The following CDH23 variants were observed in gnomAD, a reference collection of about 807,000 sequenced individuals.
CDH23 encodes cadherin-23.
Under a neutral mutation model 317.1 loss-of-function variants are expected in CDH23, and 189 were observed. The ratio of observed to expected loss-of-function variants is 0.60; its 90% CI spans 0.53 to 0.67. CDH23 has a LOEUF of 0.67. Ranked by LOEUF, CDH23 falls within the 30% of genes least tolerant of loss-of-function variation. CDH23 has a pLI of 0.00. For missense variants in CDH23, 4,401 were observed against 4,592.4 expected (o/e 0.96, Z 1.20); for synonymous variants, 1,839 against 1,876.8 (o/e 0.98, Z 0.52).
At chr10:71,549,232 C>A (rs1056300310) in intron 6 of CDH23, among the ~76,000 whole-genome samples, 4 of 152,244 alleles carry the variant, frequency 2.6e-5, no homozygotes, top group African/African-American at 9.6e-5. Flanking sequence ...AGAGTTTGTC[C>A]CATTAGTGGA....
chr10:71,586,664 C>G (rs576745346), intron 9 of CDH23, among the ~76,000 whole-genome samples: 37 of 152,192 alleles, frequency 2.4e-4, no homozygotes, highest in Non-Finnish European at 5.1e-4. Context: ...CTACCCCATT[C>G]CCTGCCTCCC....
At chr10:71,431,423 C>T (rs777048753) in intron 1 of CDH23, among the ~76,000 whole-genome samples, 7 of 152,288 alleles carry the variant, frequency 4.6e-5, no homozygotes, top group East Asian at 1.9e-4. Flanking sequence ...GCAGCCTCCC[C>T]GGCAGTGGCC....
intron 3 of CDH23, among the ~76,000 whole-genome samples, chr10:71,458,305 C>A (rs1850798352): frequency 6.6e-6 from 1 of 152,230 alleles, no homozygotes. Context: ...CCTTGAAGGT[C>A]CCCTCACCCA....
chr10:71,738,086 C>T (rs7091894), intron 34 of CDH23, among the ~76,000 whole-genome samples: 6,406 of 152,254 alleles, frequency 0.042, 448 homozygotes, highest in African/African-American at 0.14. Context: ...TTTTATTACT[C>T]ATCAGCCAAT....
At chr10:71,548,014 C>T (rs549241404) in intron 6 of CDH23, among the ~76,000 whole-genome samples, 8 of 152,334 alleles carry the variant, frequency 5.3e-5, no homozygotes, top group Admixed American at 5.2e-4. Context: ...GCTCCTCCAG[C>T]CTGCCTGGAG....
chr10:71,796,215 G>T lies in CDH23; in HGVS notation c.6713-889G>T, dbSNP rs548298840. 6 of 517,496 alleles carry T rather than the reference G, an allele frequency of 1.2e-5. No homozygotes were observed. The South Asian group carries it at 5.0e-4, about 43-fold the overall frequency. The allele number at this position is 517,496 out of a possible 1,614,324, so 32.1% of individuals were successfully genotyped here. On this transcript the variant is annotated intron_variant, in intron 48 of 69. Coordinates refer to ENST00000224721, the MANE Select transcript of CDH23 (RefSeq NM_022124.6). The stretch of plus-strand genomic sequence containing the variant: ...GTCTCACTCTGGGATGAAGCCAATG[G>T]GAGGAGAAGCCACCAGGCCCTCTAA...
At chr10:71,755,652 C>T (rs1840123033) in intron 38 of CDH23, among the ~76,000 whole-genome samples, 1 of 152,138 alleles carries the variant, frequency 6.6e-6, no homozygotes, top group Non-Finnish European at 1.5e-5. Context: ...AAAGAGAGCC[C>T]TGTGCCTGCC....
At chr10:71,479,571 G>A (rs1297669535) in intron 3 of CDH23, among the ~76,000 whole-genome samples, 1 of 152,168 alleles carries the variant, frequency 6.6e-6, no homozygotes, top group African/African-American at 2.4e-5. Flanking sequence ...CCCACCATTA[G>A]GGAGCCATTC....
In CDH23 at chr10:71,702,538, G is replaced by C. The variant is rs1247168918; in HGVS notation, c.2588-11G>C. 1.2e-6 allele frequency: 2 copies of C among 1,613,842 alleles called. No individual in the cohort carries two copies. The highest frequency in any genetic ancestry group is 1.7e-6 in the Non-Finnish European group (2 of 1,179,840). On this transcript the variant is annotated splice_polypyrimidine_tract_variant and intron_variant, in intron 23 of 69. Coordinates refer to ENST00000224721, the MANE Select transcript of CDH23 (RefSeq NM_022124.6). ...CCTGTCCTTGGCCCCTTCTCGCCCT[G>C]GTCTTCCCAGGTGGCAGGCCCCCTC...
At position 71,806,647 on chromosome 10, in the gene CDH23, T is replaced by C. The variant is rs11000007; in HGVS notation, c.8178+366T>C. On this transcript the variant is annotated intron_variant, in intron 57 of 69. Transcript: ENST00000224721. ...GAGGCTGGAGTGCAGTGGCATGACC[T>C]TGACTCACTGCAACCTCCACCCGGG... 1.8e-3 allele frequency among the ~76,000 whole-genome samples: 275 copies of C among 151,812 alleles called. 7 individuals are homozygous for C. In the East Asian group the frequency reaches 0.044, roughly 24 times the overall value.
chr10:71,791,371 G>A lies in CDH23; in HGVS notation c.6253+36G>A, dbSNP rs748230158. On this transcript the variant is annotated intron_variant, in intron 47 of 69. Coordinates refer to ENST00000224721, the MANE Select transcript of CDH23 (RefSeq NM_022124.6). ...GACAGGCCCCAGCACCCCACAACCA[G>A]GGGCCGGTTGGTGGTCACAGGGGAC... 5 of 1,577,530 alleles carry A rather than the reference G, an allele frequency of 3.2e-6. No homozygotes were observed. In the South Asian group the frequency reaches 5.7e-5, roughly 18 times the overall value.
At chr10:71,515,357 TTCTCTCTC>T (rs3059687) in intron 6 of CDH23, among the ~76,000 whole-genome samples, 1,574 of 126,214 alleles carry the variant, frequency 0.012, 17 homozygotes, top group Middle Eastern at 0.021. Context: ...ACCTGTCTGT[TTCTCTCTC>T]TCTCTCTCTC....
intron 20 of CDH23, among the ~76,000 whole-genome samples, chr10:71,693,293 T>C (rs1487401373): frequency 6.6e-6 from 1 of 152,120 alleles, no homozygotes; most frequent in African/African-American, 2.4e-5. Context: ...TTTTTTTTAT[T>C]TTGGGGAGCC....
chr10:71,526,971 C>T (rs1054143745), intron 6 of CDH23, among the ~76,000 whole-genome samples: 12 of 152,148 alleles, frequency 7.9e-5, no homozygotes, highest in Non-Finnish European at 1.3e-4. Context: ...CGCATGTGGC[C>T]GGGGTTCTCA....
chr10:71,442,928 C>T (rs1466068313), intron 2 of CDH23, among the ~76,000 whole-genome samples: 1 of 152,166 alleles, frequency 6.6e-6, no homozygotes, highest in Non-Finnish European at 1.5e-5. Flanking sequence ...GGCTTTTTGT[C>T]CCCATCCTGA....
intron 11 of CDH23, among the ~76,000 whole-genome samples, chr10:71,629,540 G>T (rs2031593276): frequency 6.6e-6 from 1 of 152,230 alleles, no homozygotes; most frequent in African/African-American, 2.4e-5. Flanking sequence ...AAGCAGGCAG[G>T]CAGTGATGTG....
At chr10:71,667,300 G>A (rs1665631) in intron 14 of CDH23, among the ~76,000 whole-genome samples, 71,930 of 151,354 alleles carry the variant, frequency 0.48, 17,440 homozygotes, top group South Asian at 0.65. Flanking sequence ...AGACCACAGG[G>A]GCTGAGACTG....
chr10:71,542,620 C>T lies in CDH23; in HGVS notation c.430-24122C>T, dbSNP rs370569550. On this transcript the variant is annotated intron_variant, in intron 6 of 69. Coordinates refer to ENST00000224721, the MANE Select transcript of CDH23 (RefSeq NM_022124.6). ...GCAGGGAGGCTGAGCTCAGCAGGCGCCCACCTAGGCAGGAGGCCGAGAAGA... is the reference window on the plus strand; with the variant it reads ...GCAGGGAGGCTGAGCTCAGCAGGCGTCCACCTAGGCAGGAGGCCGAGAAGA... 6.6e-5 allele frequency among the ~76,000 whole-genome samples: 10 copies of T among 152,286 alleles called. 1 individual carries two copies. The highest frequency in any genetic ancestry group is 4.6e-4 in the Admixed American group (7 of 15,304).
At chr10:71,687,797 C>T in intron 19 of CDH23, 78 bp downstream of exon 19, 1 of 1,347,538 alleles carries the variant, frequency 7.4e-7, no homozygotes, top group Non-Finnish European at 1.1e-6. Flanking sequence ...TGTGCAGACC[C>T]CGGCTCTGCA....
Sources: gnomAD v4.1 joint callset for allele counts (sites outside exome capture counted in the v4.1 genomes callset) on GRCh38, gnomAD v4.1.1 for gene constraint, MANE v1.5 for transcripts, NCBI Gene and HGNC (gene_info 2026-07-23, HGNC 2026-07-21) for gene names.